Variants in CIRSR observed in about 807,000 individuals in gnomAD.
The protein encoded by CIRSR is CBF1 (RBPJ) interacting corepressor 1.
the CIRSR span, among the ~76,000 whole-genome samples, chr2:174,356,053 T>C: frequency 6.6e-6 from 1 of 152,180 alleles, no homozygotes; most frequent in African/African-American, 2.4e-5. Context: ...ATTACAGGTG[T>C]GAGCCACCAC....
the CIRSR span, chr2:174,358,284 G>C: frequency 6.6e-6 from 1 of 152,096 alleles, no homozygotes; most frequent in African/African-American, 2.4e-5. Context: ...CTATCGCCCA[G>C]GCTGAAGTGC....
the CIRSR span, among the ~76,000 whole-genome samples, chr2:174,388,085 T>G: frequency 6.6e-6 from 1 of 152,234 alleles, no homozygotes; most frequent in Non-Finnish European, 1.5e-5. Flanking sequence ...CTGGGCCACA[T>G]GTGACCCACA....
At chr2:174,362,721 CATTTAT>C in the CIRSR span, among the ~76,000 whole-genome samples, 1 of 30,862 alleles carries the variant, frequency 3.2e-5, no homozygotes, top group Non-Finnish European at 1.4e-4. Flanking sequence ...AAAAATCTTA[CATTTAT>C]CAGAGAATTG....
the CIRSR span, among the ~76,000 whole-genome samples, chr2:174,385,994 A>T: frequency 6.6e-6 from 1 of 152,192 alleles, no homozygotes. Flanking sequence ...GGCTTCAAAT[A>T]TTAATTAAAA....
the CIRSR span, among the ~76,000 whole-genome samples, chr2:174,375,410 C>A: frequency 1.3e-5 from 2 of 152,120 alleles, no homozygotes; most frequent in African/African-American, 4.8e-5. Context: ...GAGTTTGAGA[C>A]CAGCCTGGGC....
At chr2:174,354,497 T>TCA in the CIRSR span, among the ~76,000 whole-genome samples, 12 of 36,116 alleles carry the variant, frequency 3.3e-4, no homozygotes, top group East Asian at 0.01. Context: ...ATTATATAAA[T>TCA]TATATTATAT....
chr2:174,394,336 G>A, the CIRSR span, among the ~76,000 whole-genome samples: 3 of 152,142 alleles, frequency 2.0e-5, no homozygotes, highest in Non-Finnish European at 2.9e-5. Flanking sequence ...TAAGTATGCA[G>A]AGAAAGGAAA....
At chr2:174,374,273 C>T in the CIRSR span, among the ~76,000 whole-genome samples, 1 of 152,180 alleles carries the variant, frequency 6.6e-6, no homozygotes, top group Non-Finnish European at 1.5e-5. Context: ...TTCTTCAAAG[C>T]TCATTTTAGT....
chr2:174,353,625 G>A, the CIRSR span, among the ~76,000 whole-genome samples: 1 of 152,240 alleles, frequency 6.6e-6, no homozygotes, highest in African/African-American at 2.4e-5. Flanking sequence ...CTGCCACCAT[G>A]CCTGGCTAAT....
the CIRSR span, among the ~76,000 whole-genome samples, chr2:174,356,088 C>T: frequency 3.3e-5 from 5 of 151,474 alleles, no homozygotes; most frequent in Non-Finnish European, 5.9e-5. Flanking sequence ...TCTTTTCAAA[C>T]AATGCATTAT....
chr2:174,355,949 C>T, the CIRSR span, among the ~76,000 whole-genome samples: 2 of 151,964 alleles, frequency 1.3e-5, no homozygotes, highest in African/African-American at 4.8e-5. Context: ...GGTCCATCTG[C>T]TCCATTCGAA....
At chr2:174,350,748 G>A in the CIRSR span, 3 of 1,597,888 alleles carry the variant, frequency 1.9e-6, no homozygotes, top group Non-Finnish European at 1.7e-6. Flanking sequence ...ACATACTCCT[G>A]AGTCAACAAA....
At chr2:174,374,537 AAAGT>A in the CIRSR span, among the ~76,000 whole-genome samples, 1 of 152,240 alleles carries the variant, frequency 6.6e-6, no homozygotes, top group Non-Finnish European at 1.5e-5. Context: ...ATTATTTCAA[AAAGT>A]AAGCAAAAAA....
the CIRSR span, among the ~76,000 whole-genome samples, chr2:174,392,123 A>G: frequency 6.6e-6 from 1 of 152,034 alleles, no homozygotes; most frequent in Non-Finnish European, 1.5e-5. Context: ...TCAGCCTCCC[A>G]AGTAGCTGGG....
chr2:174,395,622 T>C, the CIRSR span: 2 of 1,614,168 alleles, frequency 1.2e-6, no homozygotes, highest in Non-Finnish European at 1.7e-6. Context: ...GATTTCCCCA[T>C]CTTGGAACTG....
the CIRSR span, among the ~76,000 whole-genome samples, chr2:174,376,871 G>GAATTC: frequency 6.6e-6 from 1 of 151,358 alleles, no homozygotes; most frequent in African/African-American, 2.4e-5. Flanking sequence ...TATTATATCT[G>GAATTC]AATTCACATA....
At chr2:174,378,604 T>C in the CIRSR span, 2 of 336,692 alleles carry the variant, frequency 5.9e-6, no homozygotes, top group African/African-American at 4.3e-5. Context: ...GATATGAGTA[T>C]GAGAAATAAG....
chr2:174,393,326 G>A, the CIRSR span, among the ~76,000 whole-genome samples: 19 of 152,142 alleles, frequency 1.2e-4, no homozygotes, highest in Admixed American at 5.9e-4. Flanking sequence ...TTGAGGCAGC[G>A]CATAACAATA....
chr2:174,391,722 G>T, the CIRSR span, among the ~76,000 whole-genome samples: 21 of 152,084 alleles, frequency 1.4e-4, no homozygotes, highest in African/African-American at 4.8e-5. Flanking sequence ...TCAGATTTGT[G>T]CTTAAAAAAA....
Sources: gnomAD v4.1 joint callset for allele counts (sites outside exome capture counted in the v4.1 genomes callset) on GRCh38, gnomAD v4.1.1 for gene constraint, MANE v1.5 for transcripts, NCBI Gene and HGNC (gene_info 2026-07-23, HGNC 2026-07-21) for gene names.